CDH4: variants seen among roughly 807,000 people sequenced by gnomAD.
CDH4 encodes cadherin 4.
CDH4 carries 33 observed loss-of-function variants against 86.0 expected under a neutral mutation model. That is an observed-to-expected ratio of 0.38 (90% CI 0.29 to 0.51). The LOEUF is 0.51. Among genes scored for constraint, CDH4 ranks in the 20% least tolerant of loss-of-function variants. The probability of loss-of-function intolerance (pLI) is 0.86; values close to 1 mark genes in which losing one functional copy is unlikely to be tolerated. For missense variants in CDH4, 1,114 were observed against 1,307.4 expected (o/e 0.85, Z 2.28); for synonymous variants, 555 against 549.4 (o/e 1.01, Z -0.14).
At chr20:61,866,981 G>A (rs1407068022) in intron 6 of CDH4, among the ~76,000 whole-genome samples, 1 of 152,336 alleles carries the variant, frequency 6.6e-6, no homozygotes, top group African/African-American at 2.4e-5. Context: ...GCCCTTTCCC[G>A]GGAAGGAGAT....
intron 2 of CDH4, among the ~76,000 whole-genome samples, chr20:61,565,230 G>GTGGTGGTGGTGGCGGTGCTCTTGGTGA (rs1405035104): frequency 3.3e-5 from 1 of 30,606 alleles, no homozygotes; most frequent in Non-Finnish European, 6.3e-5. Flanking sequence ...GTAGGTGGTG[G>GTGGTGGTGGTGGCGGTGCTCTTGGTGA]TGGTGGTGGT....
At chr20:61,742,618 T>C (rs2088356197) in intron 2 of CDH4, among the ~76,000 whole-genome samples, 1 of 152,196 alleles carries the variant, frequency 6.6e-6, no homozygotes, top group Admixed American at 6.5e-5. Context: ...GGAGTTAACT[T>C]TATCCGTGGC....
intron 2 of CDH4, among the ~76,000 whole-genome samples, chr20:61,645,393 G>T (rs1205982418): frequency 6.6e-6 from 1 of 152,202 alleles, no homozygotes; most frequent in Non-Finnish European, 1.5e-5. Flanking sequence ...TTGGGAGGCT[G>T]AGGTGGGAGG....
intron 6 of CDH4, among the ~76,000 whole-genome samples, chr20:61,853,600 G>A (rs913620263): frequency 6.6e-6 from 1 of 152,168 alleles, no homozygotes; most frequent in African/African-American, 2.4e-5. Context: ...CCAAGAAGTG[G>A]ACGACCCCCA....
intron 2 of CDH4, among the ~76,000 whole-genome samples, chr20:61,325,658 G>C (rs1382227826): frequency 6.6e-6 from 1 of 151,950 alleles, no homozygotes; most frequent in Non-Finnish European, 1.5e-5. Context: ...GACTTGGGGG[G>C]GCCACAGCAA....
intron 2 of CDH4, among the ~76,000 whole-genome samples, chr20:61,668,425 A>G (rs2087351182): frequency 6.6e-6 from 1 of 152,202 alleles, no homozygotes; most frequent in Non-Finnish European, 1.5e-5. Context: ...CACACGGTGA[A>G]TCCAGATTTT....
At chr20:61,880,367 G>T (rs900698408) in intron 7 of CDH4, among the ~76,000 whole-genome samples, 28 of 152,236 alleles carry the variant, frequency 1.8e-4, no homozygotes, top group African/African-American at 6.3e-4. Context: ...ACCGAATATG[G>T]CTATGTTGTC....
At chr20:61,411,291 A>G (rs1027903670) in intron 2 of CDH4, among the ~76,000 whole-genome samples, 1 of 149,282 alleles carries the variant, frequency 6.7e-6, no homozygotes, top group African/African-American at 2.5e-5. Flanking sequence ...TAGTTTCCTG[A>G]CAAGGCCTTC....
chr20:61,667,863 G>A (rs1469932205), intron 2 of CDH4, among the ~76,000 whole-genome samples: 1 of 152,214 alleles, frequency 6.6e-6, no homozygotes, highest in Non-Finnish European at 1.5e-5. Flanking sequence ...AACAGGAAAT[G>A]CACGTCTTAA....
chr20:61,255,134 T>G (rs1281074106), intron 2 of CDH4, among the ~76,000 whole-genome samples, 197 bp downstream of exon 2: 1 of 152,226 alleles, frequency 6.6e-6, no homozygotes, highest in Non-Finnish European at 1.5e-5. Context: ...CCCGGTCATT[T>G]TTGAGTGAAG....
chr20:61,488,494 G>A (rs2085608399), intron 2 of CDH4, among the ~76,000 whole-genome samples: 1 of 152,204 alleles, frequency 6.6e-6, no homozygotes, highest in Admixed American at 6.5e-5. Context: ...TTCCACTGGA[G>A]TGAATTATAC....
At chr20:61,551,350 A>T (rs2086128422) in intron 2 of CDH4, among the ~76,000 whole-genome samples, 1 of 152,246 alleles carries the variant, frequency 6.6e-6, no homozygotes, top group Non-Finnish European at 1.5e-5. Context: ...TTACTGGAGT[A>T]TAAAGTCATA....
chr20:61,445,978 G>T (rs2085347931), intron 2 of CDH4, among the ~76,000 whole-genome samples: 1 of 152,238 alleles, frequency 6.6e-6, no homozygotes, highest in African/African-American at 2.4e-5. Context: ...GATAGCAGTT[G>T]GTTACAGTGT....
chr20:61,582,101 C>T lies in CDH4; in HGVS notation c.170-161462C>T, dbSNP rs183746457. On this transcript the variant is annotated intron_variant, in intron 2 of 15. Coordinates refer to ENST00000614565, the MANE Select transcript of CDH4 (RefSeq NM_001794.5). The surrounding 1 kb of genome is among the most constrained non-coding windows in gnomAD (Gnocchi z 4.2). ...GATCCACTCCCTGTTTTACTTTGCT[C>T]GTGGCCATCATTACCATTGGCGGCA... 3.7e-4 allele frequency among the ~76,000 whole-genome samples: 56 copies of T among 152,332 alleles called. No individual in the cohort carries two copies. Among genetic ancestry groups the T allele is most frequent in the African/African-American group, 1.1e-3 (47 of 41,582 alleles).
At chr20:61,426,316 G>C (rs561217671) in intron 2 of CDH4, among the ~76,000 whole-genome samples, 1 of 152,266 alleles carries the variant, frequency 6.6e-6, no homozygotes, top group South Asian at 2.1e-4. Context: ...GGAAATATAG[G>C]AAGATGCAGG....
chr20:61,592,665 C>A (rs1240527768), intron 2 of CDH4, among the ~76,000 whole-genome samples: 2 of 152,130 alleles, frequency 1.3e-5, no homozygotes, highest in Non-Finnish European at 2.9e-5. Flanking sequence ...AGATAACAAC[C>A]AGTATACTTT....
chr20:61,748,110 G>T (rs576840210), intron 3 of CDH4, among the ~76,000 whole-genome samples: 6 of 152,248 alleles, frequency 3.9e-5, no homozygotes, highest in African/African-American at 1.4e-4. Flanking sequence ...TTGGAAGACC[G>T]TTCCATTCCA....
At chr20:61,827,211 G>A (rs1343629612) in intron 4 of CDH4, among the ~76,000 whole-genome samples, 1 of 152,124 alleles carries the variant, frequency 6.6e-6, no homozygotes, top group Non-Finnish European at 1.5e-5. Flanking sequence ...AAAAGCAAAA[G>A]GGAATCAACG....
rs2085152680 is a variant in CDH4 at position 61,417,353 on chromosome 20, C to T, written c.169+162416C>T. ...CTCTCTCCCCTCACCCCTAGCCCCT[C>T]TCTCTCCTCCCTCTCCCTGTTACCA... On this transcript the variant is annotated intron_variant, in intron 2 of 15. Transcript: ENST00000614565. The surrounding 1 kb of genome is among the most constrained non-coding windows in gnomAD (Gnocchi z 4.0). Among the ~76,000 whole-genome samples the T allele has an allele frequency of 6.6e-6, 1 of 151,962 alleles. No homozygotes were observed. Among genetic ancestry groups the T allele is most frequent in the South Asian group, 2.1e-4 (1 of 4,786 alleles).
Sources: gnomAD v4.1 joint callset for allele counts (sites outside exome capture counted in the v4.1 genomes callset) on GRCh38, gnomAD v4.1.1 for gene constraint, Gnocchi (gnomAD v3.1) non-coding constraint, MANE v1.5 for transcripts, NCBI Gene and HGNC (gene_info 2026-07-23, HGNC 2026-07-21) for gene names.